The following CDK14 variants were observed in gnomAD, a reference collection of about 807,000 sequenced individuals.
CDK14 encodes cyclin dependent kinase 14, also known as cyclin-dependent kinase 14.
Under a neutral mutation model 60.7 loss-of-function variants are expected in CDK14, and 34 were observed. The ratio of observed to expected loss-of-function variants is 0.56; its 90% CI spans 0.43 to 0.75. CDK14 has a LOEUF of 0.75. Ranked by LOEUF, CDK14 falls within the 30% of genes least tolerant of loss-of-function variation. CDK14 has a pLI of 0.00. For synonymous variants in CDK14, 197 were observed against 203.7 expected, an observed-to-expected ratio of 0.97 and a Z score of 0.28; for missense variants, 482 against 564.1, an observed-to-expected ratio of 0.85 and a Z score of 1.47.
intron 10 of CDK14, 102 bp from the exon 11 acceptor site, chr7:91,045,795 C>G: frequency 1.4e-6 from 1 of 695,046 alleles, no homozygotes; most frequent in Non-Finnish European, 2.5e-6. Context: ...AAAAAAAATA[C>G]CAGAGTTTCA....
intron 4 of CDK14, among the ~76,000 whole-genome samples, chr7:90,769,422 A>G (rs1804693888): frequency 6.6e-6 from 1 of 152,012 alleles, no homozygotes; most frequent in African/African-American, 2.4e-5. Flanking sequence ...CACACACACA[A>G]AGGAGAAACA....
chr7:90,991,089 A>T (rs1795519364), intron 10 of CDK14, among the ~76,000 whole-genome samples: 1 of 152,202 alleles, frequency 6.6e-6, no homozygotes, highest in African/African-American at 2.4e-5. Context: ...AAGATAACTT[A>T]AAAGCTTCAA....
chr7:91,123,614 C>G (rs1799849903), intron 14 of CDK14, among the ~76,000 whole-genome samples: 1 of 152,090 alleles, frequency 6.6e-6, no homozygotes, highest in African/African-American at 2.4e-5. Flanking sequence ...CACCCCACCT[C>G]CACCCCACCT....
chr7:90,604,690 CT>C (rs1344655020), intron 2 of CDK14, among the ~76,000 whole-genome samples: 35 of 152,254 alleles, frequency 2.3e-4, no homozygotes, highest in African/African-American at 7.2e-4. Flanking sequence ...GAGGAGCTGA[CT>C]TTTCCTGTTC....
At chr7:90,944,309 C>T (rs1794031301) in intron 8 of CDK14, among the ~76,000 whole-genome samples, 1 of 152,166 alleles carries the variant, frequency 6.6e-6, no homozygotes, top group Admixed American at 6.5e-5. Flanking sequence ...CACACAAGTG[C>T]GATCTGCCAA....
At chr7:90,839,460 G>C (rs1287134172) in intron 5 of CDK14, among the ~76,000 whole-genome samples, 1 of 152,132 alleles carries the variant, frequency 6.6e-6, no homozygotes, top group Non-Finnish European at 1.5e-5. Context: ...AGTGACGAAG[G>C]TTGTATACAG....
intron 12 of CDK14, among the ~76,000 whole-genome samples, chr7:91,081,332 C>T (rs543872121): frequency 2.6e-5 from 4 of 152,244 alleles, no homozygotes; most frequent in East Asian, 3.9e-4. Context: ...GACTATTACG[C>T]GAGTGATGGT....
intron 2 of CDK14, among the ~76,000 whole-genome samples, chr7:90,694,219 T>C (rs747199970): frequency 1.3e-5 from 2 of 152,180 alleles, no homozygotes; most frequent in African/African-American, 2.4e-5. Context: ...AAATAAGATG[T>C]TAAGAGTAAT....
intron 2 of CDK14, among the ~76,000 whole-genome samples, chr7:90,619,594 C>T (rs1199587315): frequency 1.3e-5 from 2 of 152,116 alleles, no homozygotes; most frequent in Non-Finnish European, 2.9e-5. Flanking sequence ...TCTTCAGGTA[C>T]ATTGTATCGT....
chr7:91,148,956 C>T (rs1250626067), intron 14 of CDK14, among the ~76,000 whole-genome samples: 1 of 152,040 alleles, frequency 6.6e-6, no homozygotes, highest in Non-Finnish European at 1.5e-5. Context: ...GGAGACTGTG[C>T]CCTGGAGTGG....
At chr7:90,982,267 C>T (rs930909960) in intron 9 of CDK14, among the ~76,000 whole-genome samples, 14 of 152,110 alleles carry the variant, frequency 9.2e-5, no homozygotes, top group African/African-American at 3.4e-4. Flanking sequence ...TGCATTTAAA[C>T]AGGATTATAG....
intron 2 of CDK14, among the ~76,000 whole-genome samples, chr7:90,640,027 C>T (rs1800281593): frequency 6.6e-6 from 1 of 152,252 alleles, no homozygotes; most frequent in South Asian, 2.1e-4. Context: ...TCTGTCACCC[C>T]TTTCCTTGAC....
At chr7:90,735,318 C>A (rs192738786) in intron 3 of CDK14, among the ~76,000 whole-genome samples, 7 of 152,206 alleles carry the variant, frequency 4.6e-5, no homozygotes, top group Non-Finnish European at 8.8e-5. Context: ...CAGTCTGTCC[C>A]TTATCAGGGC....
intron 12 of CDK14, among the ~76,000 whole-genome samples, chr7:91,103,935 T>C (rs988486748): frequency 6.6e-6 from 1 of 152,226 alleles, no homozygotes; most frequent in Admixed American, 6.5e-5. Context: ...AGCAGCATAC[T>C]GTTATTTTCA....
chr7:90,738,544 T>C (rs1803218654), intron 3 of CDK14, among the ~76,000 whole-genome samples: 1 of 152,192 alleles, frequency 6.6e-6, no homozygotes, highest in Non-Finnish European at 1.5e-5. Flanking sequence ...ATACTTTTAT[T>C]CAGTTTTTTA....
rs35561978 is a variant in CDK14 at position 90,851,774 on chromosome 7, G to GTT, written c.545-11392_545-11391dup. Among the ~76,000 whole-genome samples, 298 of 149,554 alleles carry GTT rather than the reference G, an allele frequency of 2.0e-3. 3 individuals carry two copies. Among genetic ancestry groups the GTT allele is most frequent in the Middle Eastern group, 7.0e-3 (2 of 286 alleles). Reference sequence around the variant, plus strand: ...CCCTTTGTCATTTTCTTGAATACCTGTTTTTTTTTTAATTATTATGACAAT... The same window carrying GTT: ...CCCTTTGTCATTTTCTTGAATACCTGTTTTTTTTTTTTAATTATTATGACAAT... On this transcript the variant is annotated intron_variant, in intron 5 of 14. Coordinates refer to ENST00000380050, the MANE Select transcript of CDK14 (RefSeq NM_001287135.2).
chr7:91,203,927 G>T (rs886449999), intron 14 of CDK14, among the ~76,000 whole-genome samples: 3 of 152,168 alleles, frequency 2.0e-5, no homozygotes, highest in Non-Finnish European at 4.4e-5. Context: ...TGTAGAGCAC[G>T]TTCTTCGTTT....
chr7:90,702,719 A>G (rs1801814108), intron 2 of CDK14, among the ~76,000 whole-genome samples: 1 of 152,118 alleles, frequency 6.6e-6, no homozygotes, highest in African/African-American at 2.4e-5. Flanking sequence ...TCTTAGGTGT[A>G]TGTAGAGTGA....
At chr7:91,196,393 G>A (rs1047811252) in intron 14 of CDK14, among the ~76,000 whole-genome samples, 37 of 152,330 alleles carry the variant, frequency 2.4e-4, no homozygotes, top group African/African-American at 7.9e-4. Context: ...AATAGTCCAT[G>A]TAGTACTCTC....
Sources: allele counts gnomAD v4.1 joint callset (sites outside exome capture counted in the v4.1 genomes callset), GRCh38; gene constraint gnomAD v4.1.1; transcripts MANE v1.5; gene names NCBI Gene and HGNC (gene_info 2026-07-23, HGNC 2026-07-21).